Variants in BCL2 observed in about 807,000 individuals in gnomAD.
The protein encoded by BCL2 is BCL2 apoptosis regulator.
A neutral mutation model predicts 14.2 loss-of-function variants in BCL2; 1 was observed. That is an observed-to-expected ratio of 0.07 (90% CI 0.02 to 0.33). The LOEUF is 0.33. BCL2 is among the 10% of genes least tolerant of loss of function. The pLI is 0.99. For missense variants in BCL2, 247 were observed against 305.9 expected (o/e 0.81, Z 1.44); for synonymous variants, 151 against 137.2 (o/e 1.10, Z -0.70).
intron 2 of BCL2, among the ~76,000 whole-genome samples, chr18:63,306,774 G>A (rs1401077585): frequency 1.3e-5 from 2 of 151,974 alleles, no homozygotes; most frequent in East Asian, 3.9e-4. Context: ...TCCAATCCAT[G>A]GCAGGCTTTG....
At chr18:63,196,019 T>C (rs1443220504) in intron 2 of BCL2, among the ~76,000 whole-genome samples, 1 of 152,228 alleles carries the variant, frequency 6.6e-6, no homozygotes, top group Non-Finnish European at 1.5e-5. Flanking sequence ...AACCAGCTTT[T>C]AGGTACAGCG....
At chr18:63,231,595 G>C (rs1245085449) in intron 2 of BCL2, among the ~76,000 whole-genome samples, 1 of 151,872 alleles carries the variant, frequency 6.6e-6, no homozygotes, top group Non-Finnish European at 1.5e-5. Flanking sequence ...ATTAGCAATA[G>C]AGATCTTACA....
intron 2 of BCL2, among the ~76,000 whole-genome samples, chr18:63,258,935 T>C (rs1022652753): frequency 2.0e-5 from 3 of 152,234 alleles, no homozygotes; most frequent in African/African-American, 7.2e-5. Flanking sequence ...TAGATAAAAA[T>C]GCAAAACAAT....
At chr18:63,167,616 A>G (rs1276443058) in intron 2 of BCL2, among the ~76,000 whole-genome samples, 1 of 151,846 alleles carries the variant, frequency 6.6e-6, no homozygotes, top group Non-Finnish European at 1.5e-5. Context: ...CTCCATCTCT[A>G]CAAAAAAAAT....
At chr18:63,224,064 A>G (rs888765310) in intron 2 of BCL2, among the ~76,000 whole-genome samples, 1 of 152,208 alleles carries the variant, frequency 6.6e-6, no homozygotes, top group Non-Finnish European at 1.5e-5. Context: ...TTAAAAAACT[A>G]TTTATAGATG....
chr18:63,300,793 C>T (rs992670040), intron 2 of BCL2, among the ~76,000 whole-genome samples: 1 of 152,170 alleles, frequency 6.6e-6, no homozygotes, highest in Non-Finnish European at 1.5e-5. Flanking sequence ...CTGCCCCACG[C>T]AGAAGAGCCT....
intron 2 of BCL2, among the ~76,000 whole-genome samples, chr18:63,222,816 A>C (rs1910437095): frequency 6.6e-6 from 1 of 152,248 alleles, no homozygotes; most frequent in African/African-American, 2.4e-5. Context: ...AGGAGAGGAG[A>C]TTTTAAATAC....
chr18:63,212,061 C>T (rs1050345172), intron 2 of BCL2, among the ~76,000 whole-genome samples: 2 of 152,200 alleles, frequency 1.3e-5, no homozygotes, highest in Admixed American at 6.5e-5. Context: ...GGTGTGGTGG[C>T]TCACGCCTGT....
At chr18:63,275,898 T>G (rs767376149) in intron 2 of BCL2, among the ~76,000 whole-genome samples, 2 of 152,264 alleles carry the variant, frequency 1.3e-5, no homozygotes, top group Non-Finnish European at 2.9e-5. Context: ...CTAACCACTT[T>G]GCAAGAATCT....
intron 2 of BCL2, among the ~76,000 whole-genome samples, chr18:63,220,773 G>T (rs1910368468): frequency 6.6e-6 from 1 of 151,884 alleles, no homozygotes; most frequent in Admixed American, 6.6e-5. Flanking sequence ...CAGACTTCAG[G>T]GAAGGTTTCC....
chr18:63,238,866 G>A (rs1243385055), intron 2 of BCL2, among the ~76,000 whole-genome samples: 1 of 152,178 alleles, frequency 6.6e-6, no homozygotes, highest in African/African-American at 2.4e-5. Flanking sequence ...GTCTCTACCT[G>A]GAGCATCCCC....
chr18:63,277,023 C>G (rs1912173595), intron 2 of BCL2, among the ~76,000 whole-genome samples: 1 of 152,150 alleles, frequency 6.6e-6, no homozygotes, highest in Non-Finnish European at 1.5e-5. Context: ...TCCTCCATCT[C>G]ATTTCCCGCC....
intron 2 of BCL2, among the ~76,000 whole-genome samples, chr18:63,281,728 GA>G (rs1568256914): frequency 3.2e-5 from 4 of 124,580 alleles, no homozygotes; most frequent in Admixed American, 1.6e-4. Flanking sequence ...AAGAAAGAAA[GA>G]AAGAAAGAAA....
intron 2 of BCL2, among the ~76,000 whole-genome samples, chr18:63,143,018 T>C (rs962196314): frequency 6.6e-6 from 1 of 152,096 alleles, no homozygotes; most frequent in African/African-American, 2.4e-5. Flanking sequence ...GACAGGTAAA[T>C]GGTGGGCCAG....
At chr18:63,232,683 T>G (rs1431538889) in intron 2 of BCL2, among the ~76,000 whole-genome samples, 1 of 152,216 alleles carries the variant, frequency 6.6e-6, no homozygotes, top group African/African-American at 2.4e-5. Context: ...TTGTACACAT[T>G]GTTGCTGAAA....
At chr18:63,177,931 A>G (rs1915388429) in intron 2 of BCL2, among the ~76,000 whole-genome samples, 1 of 152,096 alleles carries the variant, frequency 6.6e-6, no homozygotes, top group Admixed American at 6.6e-5. Flanking sequence ...CCTCCCCATA[A>G]GAGCCCCGCC....
chr18:63,208,451 A>C (rs1292874180), intron 2 of BCL2, among the ~76,000 whole-genome samples: 6 of 151,298 alleles, frequency 4.0e-5, no homozygotes, highest in African/African-American at 1.5e-4. Context: ...TTACAAGGGG[A>C]CATGGTATAT....
chr18:63,223,441 T>TA (rs909034072), intron 2 of BCL2, among the ~76,000 whole-genome samples: 5 of 152,090 alleles, frequency 3.3e-5, no homozygotes, highest in Non-Finnish European at 7.4e-5. Context: ...GGGAAACTGT[T>TA]TAAGAATCAG....
intron 2 of BCL2, among the ~76,000 whole-genome samples, chr18:63,166,875 T>C (rs1469394191): frequency 6.6e-6 from 1 of 152,238 alleles, no homozygotes; most frequent in Non-Finnish European, 1.5e-5. Context: ...CCTCCTTCTT[T>C]CCTTTTGTCT....
Sources: gnomAD v4.1 joint callset for allele counts (sites outside exome capture counted in the v4.1 genomes callset) on GRCh38, gnomAD v4.1.1 for gene constraint, MANE v1.5 for transcripts, NCBI Gene and HGNC (gene_info 2026-07-23, HGNC 2026-07-21) for gene names.